PFDN5: variants seen among roughly 807,000 people sequenced by gnomAD.
PFDN5 encodes prefoldin subunit 5.
Under a neutral mutation model 21.5 loss-of-function variants are expected in PFDN5, and 13 were observed. That is an observed-to-expected ratio of 0.60 (90% CI 0.39 to 0.96). PFDN5 has a LOEUF of 0.96. PFDN5 is among the 40% of genes least tolerant of loss of function. The probability of loss-of-function intolerance (pLI) is 0.00; values close to 1 mark genes in which losing one functional copy is unlikely to be tolerated. For synonymous variants in PFDN5, 84 were observed against 68.9 expected, an observed-to-expected ratio of 1.22 and a Z score of -1.08; for missense variants, 188 against 186.2, an observed-to-expected ratio of 1.01 and a Z score of -0.06.
Position 53,295,669 on chromosome 12 carries a change from C to A in PFDN5, c.72+30C>A, listed in dbSNP as rs368544315. ...GGACGGGCCCCAGAGGCACCTCTTT[C>A]CTGCTCTACATCCCCCTTGCCCACG... On this transcript the variant is annotated intron_variant, in intron 1 of 5. Coordinates refer to ENST00000334478, the MANE Select transcript of PFDN5 (RefSeq NM_002624.4). The A allele has an allele frequency of 1.8e-4, 291 of 1,576,912 alleles. 1 individual carries two copies. Among genetic ancestry groups the A allele is most frequent in the Admixed American group, 8.4e-5 (5 of 59,880 alleles).
At chr12:53,298,796 C>T (rs1944188561) in intron 5 of PFDN5, 1 of 162,050 alleles carries the variant, frequency 6.2e-6, no homozygotes, top group African/African-American at 2.4e-5. Context: ...GCATTGTAGA[C>T]CCTAAATTTG....
Position 53,295,941 on chromosome 12 carries a change from G to T in PFDN5, c.175G>T (p.Gly59Trp). ...CLNVLNKSNE[G>W]KELLVPLTSS... ...GAACGTGCTGAACAAGAGCAACGAG[G>T]GTATGGGGTAGGCGGGTGAGGGTAA... The change falls in exon 2 of 6, where the codon GGG becomes TGG. Residue 59 changes from glycine (G) to tryptophan (W), a missense_variant and splice_region_variant. Physicochemically the swap from Gly to Trp is radical, Grantham distance 184 (BLOSUM62 -2). Transcript: ENST00000334478. The T allele has an allele frequency of 6.3e-7, 1 of 1,585,456 alleles. No homozygotes were observed. The highest frequency in any genetic ancestry group is 8.7e-7 in the Non-Finnish European group (1 of 1,154,226).
rs1456991036 is a variant in PFDN5 at position 53,297,897 on chromosome 12, T to C, written c.255T>C (p.Asp85=). The change falls in exon 4 of 6, where the codon GAT becomes GAC. Residue 85 remains aspartate (D), a synonymous_variant. Coordinates refer to ENST00000334478, the MANE Select transcript of PFDN5 (RefSeq NM_002624.4). ...ATGATGTGGAACACGTGCTCATCGATGTGGGAACTGGGTACTATGTAGAGA... is the reference window on the plus strand; with the variant it reads ...ATGATGTGGAACACGTGCTCATCGACGTGGGAACTGGGTACTATGTAGAGA... The part of the protein sequence containing the change: ...KLHDVEHVLI[D]VGTGYYVEKT... 2 of 1,613,148 alleles carry C rather than the reference T, an allele frequency of 1.2e-6. No individual in the cohort carries two copies. The highest frequency in any genetic ancestry group is 1.7e-6 in the Non-Finnish European group (2 of 1,179,450).
rs530847212 is a variant in PFDN5 at position 53,295,793 on chromosome 12, T to C, written c.73-46T>C. On this transcript the variant is annotated intron_variant, in intron 1 of 5. Transcript: ENST00000334478. Reference sequence around the variant, plus strand: ...TGCCCCCTCCCCGGCCGCGCTCCTTTCTCCCCTTAGTCCTCTCATTGACCC... The same window carrying C: ...TGCCCCCTCCCCGGCCGCGCTCCTTCCTCCCCTTAGTCCTCTCATTGACCC... 1.9e-4 allele frequency: 260 copies of C among 1,343,718 alleles called. 1 individual carries two copies. In the South Asian group the frequency reaches 2.9e-3, roughly 15 times the overall value. The allele number at this position is 1,343,718 out of a possible 1,614,324, so 83.2% of individuals were successfully genotyped here.
intron 1 of PFDN5, 67 bp downstream of exon 1, chr12:53,295,706 C>T (rs1944141543): frequency 1.4e-6 from 2 of 1,450,592 alleles, no homozygotes; most frequent in Non-Finnish European, 1.9e-6. Flanking sequence ...GTACTTCTCG[C>T]GCCCGGTTCC....
intron 3 of PFDN5, 60 bp downstream of exon 3, chr12:53,296,335 A>C: frequency 7.7e-7 from 1 of 1,303,160 alleles, no homozygotes; most frequent in Non-Finnish European, 1.1e-6. Context: ...CACTCCCCCA[A>C]AAAGCGGGGA....
In PFDN5 at chr12:53,296,240, A is replaced by G. The variant is rs1245942964; in HGVS notation, c.176-4A>G. The G allele has an allele frequency of 6.2e-7, 1 of 1,609,524 alleles. No homozygotes were observed. Among genetic ancestry groups the G allele is most frequent in the Non-Finnish European group, 8.5e-7 (1 of 1,177,410 alleles). ...CCAGGTGTTTGTCTTCATTGCTTTC[A>G]CAGGGAAAGAATTACTCGTCCCACT... On this transcript the variant is annotated splice_polypyrimidine_tract_variant and splice_region_variant and intron_variant, in intron 2 of 5. Coordinates refer to ENST00000334478, the MANE Select transcript of PFDN5 (RefSeq NM_002624.4).
chr12:53,298,167 G>A lies in PFDN5; in HGVS notation c.388+17G>A, dbSNP rs1358097723. ...TGAAACAGGGTAAGTTTTTCCTGGG[G>A]CACCTCTTGACCCTATCTCCATAAT... On this transcript the variant is annotated intron_variant, in intron 5 of 5. Transcript: ENST00000334478. 13 of 1,462,216 alleles carry A rather than the reference G, an allele frequency of 8.9e-6. No homozygotes were observed. Among genetic ancestry groups the A allele is most frequent in the Non-Finnish European group, 1.2e-5 (13 of 1,041,198 alleles). 90.6% of individuals were successfully genotyped at this position (1,462,216 alleles called of 1,614,324 possible). A position where few individuals can be genotyped will look rare whatever the true frequency, so the allele number is the denominator to read the frequency against.
At chr12:53,296,304 C>A in intron 3 of PFDN5, 29 bp downstream of exon 3, 3 of 1,578,020 alleles carry the variant, frequency 1.9e-6, no homozygotes, top group Non-Finnish European at 2.6e-6. Context: ...CGGCTACCTG[C>A]TGCCTTCTCC....
intron 1 of PFDN5, 45 bp from the exon 2 acceptor site, chr12:53,295,794 C>A: frequency 1.5e-6 from 2 of 1,340,958 alleles, no homozygotes; most frequent in Non-Finnish European, 2.1e-6. Flanking sequence ...GCGCTCCTTT[C>A]TCCCCTTAGT....
In PFDN5 at chr12:53,295,558, C is replaced by G; in HGVS notation, c.-10C>G. The stretch of plus-strand genomic sequence containing the variant: ...AGAGACTTCCTCTTCGTTAAGTCGG[C>G]CTTCCCAACATGGCGCAGTCTATTA... On this transcript the variant is annotated 5_prime_UTR_variant, in exon 1 of 6. Transcript: ENST00000334478. 6.2e-7 allele frequency: 1 copy of G among 1,611,100 alleles called. No individual in the cohort carries two copies. The highest frequency in any genetic ancestry group is 2.2e-5 in the East Asian group (1 of 44,822).
chr12:53,298,187 C>A (rs1218002715), intron 5 of PFDN5, 37 bp downstream of exon 5: 5 of 1,237,228 alleles, frequency 4.0e-6, no homozygotes, highest in Non-Finnish European at 6.0e-6. Context: ...ACCCTATCTC[C>A]ATAATAAGGA....
chr12:53,295,551 A>T lies in PFDN5; in HGVS notation c.-17A>T, dbSNP rs769324927. On this transcript the variant is annotated 5_prime_UTR_variant, in exon 1 of 6. Coordinates refer to ENST00000334478, the MANE Select transcript of PFDN5 (RefSeq NM_002624.4). Reference sequence around the variant, plus strand: ...CTCGCCGAGAGACTTCCTCTTCGTTAAGTCGGCCTTCCCAACATGGCGCAG... The same window carrying T: ...CTCGCCGAGAGACTTCCTCTTCGTTTAGTCGGCCTTCCCAACATGGCGCAG... 2 of 1,607,484 alleles carry T rather than the reference A, an allele frequency of 1.2e-6. No homozygotes were observed. The highest frequency in any genetic ancestry group is 2.2e-5 in the South Asian group (2 of 90,928).
At chr12:53,298,188 A>C in intron 5 of PFDN5, 38 bp downstream of exon 5, 18 of 1,225,266 alleles carry the variant, frequency 1.5e-5, no homozygotes, top group Non-Finnish European at 1.9e-5. Flanking sequence ...CCCTATCTCC[A>C]TAATAAGGAA....
chr12:53,297,788 G>A, intron 3 of PFDN5, 62 bp from the exon 4 acceptor site: 1 of 1,257,006 alleles, frequency 8.0e-7, no homozygotes, highest in Non-Finnish European at 1.2e-6. Flanking sequence ...CAAGCAGGCT[G>A]GCTGGCGGAA....
At chr12:53,297,945 GC>G (rs1240563059) in intron 4 of PFDN5, 21 bp downstream of exon 4, 2 of 1,597,006 alleles carry the variant, frequency 1.3e-6, no homozygotes, top group African/African-American at 2.7e-5. Flanking sequence ...GCATGTGGAT[GC>G]CCCTCTAAAC....
intron 3 of PFDN5, chr12:53,297,531 T>C (rs1186876848): frequency 1.4e-5 from 3 of 215,292 alleles, no homozygotes; most frequent in Non-Finnish European, 2.5e-5. Flanking sequence ...TGTAGTACTC[T>C]ACAACAGTAG....
intron 2 of PFDN5, 105 bp downstream of exon 2, chr12:53,296,046 A>G (rs921044798): frequency 2.5e-6 from 2 of 787,912 alleles, no homozygotes; most frequent in Admixed American, 4.1e-5. Context: ...TCCATTACAT[A>G]TCGTATACCG....
At chr12:53,295,974 T>G in intron 2 of PFDN5, 33 bp downstream of exon 2, 1 of 1,294,058 alleles carries the variant, frequency 7.7e-7, no homozygotes, top group South Asian at 1.2e-5. Context: ...TAACCTAAAG[T>G]GGCGAACCTG....
Sources: gnomAD v4.1 joint callset for allele counts on GRCh38, gnomAD v4.1.1 for gene constraint, MANE v1.5 for transcripts, NCBI Gene and HGNC (gene_info 2026-07-23, HGNC 2026-07-21) for gene names.